The following ZC3H12B variants were observed in gnomAD, a reference collection of about 807,000 sequenced individuals.
The protein encoded by ZC3H12B is zinc finger CCCH-type containing 12B, also known as probable ribonuclease ZC3H12B.
Under a neutral mutation model 43.9 loss-of-function variants are expected in ZC3H12B, and 7 were observed. The ratio of observed to expected loss-of-function variants is 0.16; its 90% CI spans 0.09 to 0.30. The LOEUF is 0.30. Among genes scored for constraint, ZC3H12B ranks in the 10% least tolerant of loss-of-function variants. The pLI is 1.00. For synonymous variants in ZC3H12B, 222 were observed against 241.7 expected, an observed-to-expected ratio of 0.92 and a Z score of 0.76; for missense variants, 475 against 670.2, an observed-to-expected ratio of 0.71 and a Z score of 3.22.
chrX:65,502,877 C>T, exon 5 of ZC3H12B: 1 of 1,211,762 alleles, frequency 8.3e-7, no homozygotes. Flanking sequence ...CCGGGAACAG[C>T]ATGCCAGCTG....
chrX:65,201,641 TC>T, the ZC3H12B span, among the ~76,000 whole-genome samples: 3 of 2,276 alleles, frequency 1.3e-3, no homozygotes, highest in African/African-American at 7.9e-3. Context: ...AAAGATCACC[TC>T]TCTCTCTCTC....
the ZC3H12B span, among the ~76,000 whole-genome samples, chrX:65,153,178 G>T: frequency 8.9e-6 from 1 of 111,844 alleles, no homozygotes; most frequent in African/African-American, 3.3e-5. Context: ...CATGGGCAAG[G>T]ACTTAATGTC....
At chrX:65,169,941 C>T in the ZC3H12B span, among the ~76,000 whole-genome samples, 4 of 111,601 alleles carry the variant, frequency 3.6e-5, no homozygotes, top group Admixed American at 9.6e-5. Flanking sequence ...GCACACGAGA[C>T]GGGTCTCCTG....
chrX:65,061,105 G>T, the ZC3H12B span, among the ~76,000 whole-genome samples: 18 of 111,108 alleles, frequency 1.6e-4, no homozygotes, highest in African/African-American at 5.2e-4. Flanking sequence ...AATATCAGTT[G>T]TAATGTATCC....
chrX:65,278,095 C>G, the ZC3H12B span, among the ~76,000 whole-genome samples: 1 of 111,685 alleles, frequency 9.0e-6, no homozygotes, highest in Admixed American at 9.5e-5. Flanking sequence ...TGTGTGTGAT[C>G]CATCACAATG....
intron 2 of ZC3H12B, among the ~76,000 whole-genome samples, chrX:65,373,994 ATAGT>A (rs1478516200): frequency 1.9e-5 from 1 of 52,719 alleles, no homozygotes; most frequent in African/African-American, 1.5e-4. Flanking sequence ...CTATATATAT[ATAGT>A]ATATATATAT....
chrX:65,240,467 G>A, the ZC3H12B span, among the ~76,000 whole-genome samples: 1 of 111,405 alleles, frequency 9.0e-6, no homozygotes, highest in Non-Finnish European at 1.9e-5. Flanking sequence ...TTCAGCTCCT[G>A]TATATTTTTC....
chrX:65,198,978 C>T, the ZC3H12B span, among the ~76,000 whole-genome samples: 5 of 110,456 alleles, frequency 4.5e-5, no homozygotes, highest in Non-Finnish European at 9.4e-5. Flanking sequence ...AAGCATGCAT[C>T]GTCACCTCAC....
the ZC3H12B span, among the ~76,000 whole-genome samples, chrX:65,320,695 C>G: frequency 8.9e-6 from 1 of 111,930 alleles, no homozygotes; most frequent in Non-Finnish European, 1.9e-5. Context: ...GGTAAAAAAG[C>G]ACACACATAG....
the ZC3H12B span, among the ~76,000 whole-genome samples, chrX:65,082,420 A>T: frequency 1.8e-5 from 2 of 111,979 alleles, no homozygotes; most frequent in East Asian, 2.8e-4. Context: ...ATTAGAAGTG[A>T]AAAAGCATAC....
At chrX:65,246,927 G>T in the ZC3H12B span, among the ~76,000 whole-genome samples, 2 of 112,444 alleles carry the variant, frequency 1.8e-5, no homozygotes, top group African/African-American at 6.5e-5. Flanking sequence ...AAACTAAAGA[G>T]CTTCTGCACA....
At chrX:65,131,763 G>A in the ZC3H12B span, among the ~76,000 whole-genome samples, 1 of 111,496 alleles carries the variant, frequency 9.0e-6, no homozygotes, top group African/African-American at 3.3e-5. Flanking sequence ...GAGAGCACAT[G>A]TGCTTTCATG....
At chrX:65,453,009 A>C (rs929630690) in intron 3 of ZC3H12B, among the ~76,000 whole-genome samples, 3 of 110,566 alleles carry the variant, frequency 2.7e-5, no homozygotes, top group African/African-American at 3.3e-5. Flanking sequence ...ATCCTAAGGC[A>C]CAGATGGAAC....
At chrX:65,380,256 C>G (rs941617949) in intron 2 of ZC3H12B, among the ~76,000 whole-genome samples, 1 of 112,157 alleles carries the variant, frequency 8.9e-6, no homozygotes, top group Admixed American at 9.5e-5. Flanking sequence ...AACAGCAGAT[C>G]TCTCAGCAGA....
At chrX:65,373,491 C>G (rs1246444337) in intron 2 of ZC3H12B, among the ~76,000 whole-genome samples, 1 of 110,841 alleles carries the variant, frequency 9.0e-6, no homozygotes, top group Non-Finnish European at 1.9e-5. Context: ...GGAACCAAAC[C>G]AAATGTCCAT....
At chrX:65,054,410 G>T in the ZC3H12B span, among the ~76,000 whole-genome samples, 1 of 111,308 alleles carries the variant, frequency 9.0e-6, no homozygotes, top group Non-Finnish European at 1.9e-5. Flanking sequence ...TCAAAGATCA[G>T]ATAGTTGTAG....
chrX:65,373,947 T>TA lies in ZC3H12B; in HGVS notation n.295+4949_295+4950insA, dbSNP rs1556057889. Among the ~76,000 whole-genome samples the TA allele has an allele frequency of 8.7e-5, 4 of 45,782 alleles. No individual in the cohort carries two copies. The African/African-American group carries it at 8.8e-4, about 10-fold the overall frequency. 39.8% of individuals were successfully genotyped at this position (45,782 alleles called of 115,157 possible). On this transcript the variant is annotated intron_variant and non_coding_transcript_variant, in intron 2 of 5. Transcript: ENST00000617377. ...CTATATATATAGTATATATATATAG[T>TA]TATATATATATACTGTATATATAGT...
At chrX:65,390,194 G>A (rs2066592608) in intron 2 of ZC3H12B, among the ~76,000 whole-genome samples, 1 of 110,639 alleles carries the variant, frequency 9.0e-6, no homozygotes, top group African/African-American at 3.3e-5. Flanking sequence ...ACTCATAGGT[G>A]GGAATTGAAC....
chrX:65,227,463 A>G, the ZC3H12B span, among the ~76,000 whole-genome samples: 2 of 110,999 alleles, frequency 1.8e-5, no homozygotes, highest in Middle Eastern at 4.6e-3. Context: ...TAACATCACA[A>G]TTAAAAGAAC....
Sources: allele counts gnomAD v4.1 joint callset (sites outside exome capture counted in the v4.1 genomes callset), GRCh38; gene constraint gnomAD v4.1.1; transcripts MANE v1.5; gene names NCBI Gene and HGNC (gene_info 2026-07-23, HGNC 2026-07-21).